Variants in ANK3 observed in about 807,000 individuals in gnomAD.
The protein encoded by ANK3 is ankyrin 3.
ANK3 carries 57 observed loss-of-function variants against 370.9 expected under a neutral mutation model. The ratio of observed to expected loss-of-function variants is 0.15; its 90% CI spans 0.12 to 0.19. The LOEUF (loss-of-function observed/expected upper bound fraction) is 0.19. Among genes scored for constraint, ANK3 ranks in the 10% least tolerant of loss-of-function variants. The pLI, the probability that ANK3 is intolerant of heterozygous loss-of-function variation, is 1.00. For missense variants in ANK3, 4,439 were observed against 5,302.1 expected, an observed-to-expected ratio of 0.84 and a Z score of 5.06; for synonymous variants, 1,929 against 1,946.3, an observed-to-expected ratio of 0.99 and a Z score of 0.23.
chr10:60,281,068 GAGA>G (rs139256101), intron 1 of ANK3, among the ~76,000 whole-genome samples: 3,996 of 152,246 alleles, frequency 0.026, 60 homozygotes, highest in Non-Finnish European at 0.039. Flanking sequence ...AAATGTAATT[GAGA>G]AGAAGAAAAT....
At chr10:60,078,151 T>C (rs2084262834) in intron 36 of ANK3, among the ~76,000 whole-genome samples, 1 of 152,236 alleles carries the variant, frequency 6.6e-6, no homozygotes, top group Admixed American at 6.5e-5. Flanking sequence ...TCAGCTTTTA[T>C]GTTCTTCTTC....
chr10:60,581,303 A>T (rs1249526672), intron 2 of ANK3, among the ~76,000 whole-genome samples: 2 of 152,170 alleles, frequency 1.3e-5, no homozygotes, highest in Admixed American at 1.3e-4. Flanking sequence ...CCAAAATATA[A>T]AGGTCGTTCA....
chr10:60,185,884 C>T (rs1181232942), intron 17 of ANK3, among the ~76,000 whole-genome samples: 3 of 152,080 alleles, frequency 2.0e-5, no homozygotes, highest in African/African-American at 7.2e-5. Flanking sequence ...TGACAAAACT[C>T]TAGTCTTTTC....
intron 32 of ANK3, 197 bp downstream of exon 32, chr10:60,084,405 C>CA (rs35417527): frequency 0.33 from 62,226 of 190,158 alleles, 6,957 homozygotes; most frequent in Non-Finnish European, 0.39. Context: ...GGCTCCGTCT[C>CA]AAAAAAAAAA....
At chr10:60,330,812 C>A (rs1164404333) in intron 1 of ANK3, among the ~76,000 whole-genome samples, 1 of 152,144 alleles carries the variant, frequency 6.6e-6, no homozygotes, top group Non-Finnish European at 1.5e-5. Context: ...AAGACACATG[C>A]ATATGTATGT....
chr10:60,114,264 A>G lies in ANK3; in HGVS notation c.2909T>C (p.Leu970Ser). 3 of 1,609,706 alleles carry G rather than the reference A, an allele frequency of 1.9e-6. No individual in the cohort carries two copies. Among genetic ancestry groups the G allele is most frequent in the Non-Finnish European group, 2.5e-6 (3 of 1,178,146 alleles). ...GCTTGAAACAAGATTGACATTGTCT[A>G]AGGTGTCTGCAGCCCAGCTGTAATG... ...LRHYSWAADT[L>S]DNVNLVSSPI... Residue 970 changes from leucine to serine, a missense_variant, in exon 26 of 44, where the codon TTA becomes TCA. By Grantham distance (145) the Leu-to-Ser change is moderately radical. Coordinates refer to ENST00000280772, the MANE Select transcript of ANK3 (RefSeq NM_020987.5).
intron 2 of ANK3, among the ~76,000 whole-genome samples, chr10:60,471,463 T>C (rs957146041): frequency 6.6e-6 from 1 of 152,160 alleles, no homozygotes; most frequent in African/African-American, 2.4e-5. Context: ...TTTACACTTA[T>C]TAATGGCTGC....
At chr10:60,189,234 T>G (rs940224292) in intron 16 of ANK3, among the ~76,000 whole-genome samples, 1 of 152,198 alleles carries the variant, frequency 6.6e-6, no homozygotes, top group African/African-American at 2.4e-5. Flanking sequence ...GGTGCATGCC[T>G]GTAGTCTCAG....
At chr10:60,494,930 A>G (rs555823369) in intron 2 of ANK3, among the ~76,000 whole-genome samples, 20 of 152,324 alleles carry the variant, frequency 1.3e-4, no homozygotes, top group African/African-American at 4.8e-4. Context: ...TCCTACAGGG[A>G]TTAGCAAAGG....
At chr10:60,689,051 T>C (rs1358564177) in intron 1 of ANK3, among the ~76,000 whole-genome samples, 2 of 152,164 alleles carry the variant, frequency 1.3e-5, no homozygotes, top group African/African-American at 4.8e-5. Context: ...TTGTTTCTAA[T>C]GTAATGGGAT....
chr10:60,548,338 A>G (rs1387765430), intron 2 of ANK3, among the ~76,000 whole-genome samples: 1 of 146,716 alleles, frequency 6.8e-6, no homozygotes, highest in Non-Finnish European at 1.5e-5. Flanking sequence ...CAGCCTTCCC[A>G]GTGGCTGGGA....
At chr10:60,563,502 G>A (rs955450175) in intron 2 of ANK3, among the ~76,000 whole-genome samples, 2 of 152,138 alleles carry the variant, frequency 1.3e-5, no homozygotes, top group African/African-American at 2.4e-5. Flanking sequence ...ATCCCCAGCA[G>A]TGTCTTGGGG....
rs548030724 is a variant in ANK3, at chr10:60,321,514, C to T, written c.115-41875G>A. Among the ~76,000 whole-genome samples, 14 of 152,312 alleles carry T rather than the reference C, an allele frequency of 9.2e-5. No individual in the cohort carries two copies. In the East Asian group the frequency reaches 1.5e-3, roughly 17 times the overall value. ...TAAATATATGTGGACATGACCCAAA[C>T]GGAAAAGAGTATCTTCCACTAACTC... is the stretch of plus-strand genomic sequence containing the variant. On this transcript the variant is annotated intron_variant, in intron 1 of 43. Coordinates refer to ENST00000280772, the MANE Select transcript of ANK3 (RefSeq NM_020987.5).
At chr10:60,621,409 G>T (rs1210615764) in intron 1 of ANK3, among the ~76,000 whole-genome samples, 1 of 152,120 alleles carries the variant, frequency 6.6e-6, no homozygotes, top group Non-Finnish European at 1.5e-5. Context: ...AGAAAGTACA[G>T]ATCTCCAAAT....
intron 8 of ANK3, among the ~76,000 whole-genome samples, chr10:60,214,431 G>A (rs548918401): frequency 3.9e-4 from 60 of 152,176 alleles, no homozygotes; most frequent in Non-Finnish European, 7.8e-4. Flanking sequence ...TGTGCAGAAC[G>A]TGTAGGTTTG....
chr10:60,083,693 G>A (rs10509122), intron 32 of ANK3, 76 bp from the exon 33 acceptor site: 125,834 of 1,277,802 alleles, frequency 0.098, 7,174 homozygotes, highest in African/African-American at 0.19. Flanking sequence ...GTCACGTAAC[G>A]TTAAAAGACT....
intron 1 of ANK3, among the ~76,000 whole-genome samples, chr10:60,718,885 G>T (rs1013693556): frequency 6.6e-6 from 1 of 152,032 alleles, no homozygotes; most frequent in Non-Finnish European, 1.5e-5. Flanking sequence ...GAGAAAAACT[G>T]CTCTCTGCTT....
At chr10:60,303,847 T>C (rs1446916646) in intron 1 of ANK3, among the ~76,000 whole-genome samples, 1 of 151,864 alleles carries the variant, frequency 6.6e-6, no homozygotes, top group Non-Finnish European at 1.5e-5. Context: ...AAATTGTCTG[T>C]TGACTAATGA....
At chr10:60,056,112 G>T in intron 41 of ANK3, 76 bp from the exon 42 acceptor site, 1 of 1,479,762 alleles carries the variant, frequency 6.8e-7, no homozygotes, top group South Asian at 1.4e-5. Flanking sequence ...AAAGTTTTAA[G>T]AACTGTGTCT....
Sources: gnomAD v4.1 joint callset for allele counts (sites outside exome capture counted in the v4.1 genomes callset) on GRCh38, gnomAD v4.1.1 for gene constraint, MANE v1.5 for transcripts, NCBI Gene and HGNC (gene_info 2026-07-23, HGNC 2026-07-21) for gene names.